Variants in IQGAP2 observed in about 807,000 individuals in gnomAD.
IQGAP2 encodes IQ motif containing GTPase activating protein 2.
IQGAP2 carries 173 observed loss-of-function variants against 201.3 expected under a neutral mutation model. The observed-to-expected ratio is 0.86, with a 90% confidence interval of 0.76 to 0.98. IQGAP2 has a LOEUF of 0.98. Ranked by LOEUF, IQGAP2 falls within the 50% of genes least tolerant of loss-of-function variation. The pLI, the probability that IQGAP2 is intolerant of heterozygous loss-of-function variation, is 0.00. For synonymous variants in IQGAP2, 675 were observed against 673.9 expected (o/e 1.00, Z -0.03); for missense variants, 1,687 against 1,864.8 (o/e 0.90, Z 1.76).
chr5:76,435,965 GT>G (rs59420110), intron 1 of IQGAP2, among the ~76,000 whole-genome samples: 14,365 of 151,540 alleles, frequency 0.095, 1,756 homozygotes, highest in African/African-American at 0.29. Flanking sequence ...TTTTGTTTTG[GT>G]TTTTTTGGCA....
intron 2 of IQGAP2, among the ~76,000 whole-genome samples, chr5:76,494,996 A>G (rs1756799530): frequency 6.6e-6 from 1 of 152,212 alleles, no homozygotes; most frequent in South Asian, 2.1e-4. Context: ...CCCATTTGTC[A>G]GTGGAGGCAG....
intron 2 of IQGAP2, among the ~76,000 whole-genome samples, chr5:76,496,608 G>T (rs1161428101): frequency 1.3e-5 from 2 of 152,186 alleles, no homozygotes; most frequent in Non-Finnish European, 2.9e-5. Context: ...GGGGGATCAT[G>T]CGGAGGGAGT....
At chr5:76,461,005 A>G (rs1269536807) in intron 1 of IQGAP2, among the ~76,000 whole-genome samples, 1 of 151,432 alleles carries the variant, frequency 6.6e-6, no homozygotes, top group East Asian at 2.0e-4. Context: ...CAGCCTCCCA[A>G]GTAGCTGGGA....
chr5:76,672,113 C>T (rs527812895), intron 24 of IQGAP2, 130 bp downstream of exon 24: 87 of 668,042 alleles, frequency 1.3e-4, no homozygotes, highest in Non-Finnish European at 2.1e-4. Context: ...ATGTTACCTC[C>T]CTTTAACATA....
At chr5:76,499,643 T>G (rs918951470) in intron 2 of IQGAP2, among the ~76,000 whole-genome samples, 2 of 152,126 alleles carry the variant, frequency 1.3e-5, no homozygotes, top group Non-Finnish European at 2.9e-5. Context: ...CAAGGTAAGA[T>G]AGTAGTGTCA....
intron 2 of IQGAP2, among the ~76,000 whole-genome samples, chr5:76,468,991 C>T (rs1754957221): frequency 6.6e-6 from 1 of 152,162 alleles, no homozygotes; most frequent in African/African-American, 2.4e-5. Flanking sequence ...GGATCAGTAT[C>T]ATTCGCTACT....
chr5:76,669,028 AC>A (rs1272804195), intron 23 of IQGAP2, among the ~76,000 whole-genome samples, 184 bp downstream of exon 23: 1 of 152,286 alleles, frequency 6.6e-6, no homozygotes, highest in Admixed American at 6.5e-5. Flanking sequence ...ATTTTCTCCC[AC>A]CAGTGATACT....
intron 4 of IQGAP2, 92 bp downstream of exon 4, chr5:76,570,749 A>T (rs889405173): frequency 2.4e-6 from 2 of 845,450 alleles, no homozygotes; most frequent in African/African-American, 1.7e-5. Context: ...AGACTGGGTT[A>T]TGTTAATGTA....
intron 34 of IQGAP2, 34 bp downstream of exon 34, chr5:76,701,247 A>T: frequency 1.2e-6 from 2 of 1,603,946 alleles, no homozygotes; most frequent in Non-Finnish European, 1.7e-6. Context: ...TAGAACACGC[A>T]TGCCATTTGA....
chr5:76,564,282 G>A (rs1580467328), intron 3 of IQGAP2, among the ~76,000 whole-genome samples: 1 of 152,160 alleles, frequency 6.6e-6, no homozygotes, highest in South Asian at 2.1e-4. Context: ...ACTACAGCTT[G>A]TCTTTTTTTC....
chr5:76,551,381 G>T (rs1327992880), intron 2 of IQGAP2, among the ~76,000 whole-genome samples: 1 of 150,012 alleles, frequency 6.7e-6, no homozygotes, highest in Non-Finnish European at 1.5e-5. Context: ...CTGGGCGGCC[G>T]GGCAGAGGGG....
chr5:76,637,545 A>G (rs1250034387), intron 16 of IQGAP2, among the ~76,000 whole-genome samples: 1 of 152,220 alleles, frequency 6.6e-6, no homozygotes, highest in East Asian at 1.9e-4. Context: ...TCAGCCTGCA[A>G]CTTAACATTG....
chr5:76,562,202 A>C (rs1484697660), intron 2 of IQGAP2, among the ~76,000 whole-genome samples, 194 bp from the exon 3 acceptor site: 1 of 152,110 alleles, frequency 6.6e-6, no homozygotes, highest in Non-Finnish European at 1.5e-5. Flanking sequence ...CTGGGCTTTC[A>C]TTCCCCCTGT....
chr5:76,650,035 G>A (rs1009526915), intron 17 of IQGAP2, among the ~76,000 whole-genome samples: 2 of 152,236 alleles, frequency 1.3e-5, no homozygotes, highest in African/African-American at 4.8e-5. Context: ...CTGGGATGCA[G>A]GGATTACTGT....
At chr5:76,628,622 A>G (rs1184276528) in intron 14 of IQGAP2, 1 of 420,278 alleles carries the variant, frequency 2.4e-6, no homozygotes, top group Non-Finnish European at 4.7e-6. Flanking sequence ...TGGCATAATT[A>G]GAATCTATTC....
chr5:76,675,870 A>G (rs1054012391), intron 27 of IQGAP2, among the ~76,000 whole-genome samples: 3 of 152,160 alleles, frequency 2.0e-5, no homozygotes, highest in African/African-American at 4.8e-5. Context: ...TCACTGACTA[A>G]CAAAGTAATA....
chr5:76,452,644 T>G (rs1461024359), intron 1 of IQGAP2, among the ~76,000 whole-genome samples: 2 of 152,178 alleles, frequency 1.3e-5, no homozygotes, highest in Non-Finnish European at 2.9e-5. Context: ...TAACAAGATA[T>G]CTATAATAAT....
chr5:76,636,984 T>G (rs866085881), intron 15 of IQGAP2, 50 bp from the exon 16 acceptor site: 8 of 1,437,234 alleles, frequency 5.6e-6, no homozygotes, highest in Middle Eastern at 3.6e-4. Context: ...TACACTAATG[T>G]TTAAGGGTTC....
At chr5:76,679,176 G>GA (rs1299071070) in intron 28 of IQGAP2, among the ~76,000 whole-genome samples, 5 of 152,088 alleles carry the variant, frequency 3.3e-5, no homozygotes, top group African/African-American at 1.2e-4. Flanking sequence ...ATCCACATGC[G>GA]AAAAAAATGG....
Sources: gnomAD v4.1 joint callset for allele counts (sites outside exome capture counted in the v4.1 genomes callset) on GRCh38, gnomAD v4.1.1 for gene constraint, MANE v1.5 for transcripts, NCBI Gene and HGNC (gene_info 2026-07-23, HGNC 2026-07-21) for gene names.